NAALADL2: variants seen among roughly 807,000 people sequenced by gnomAD.
NAALADL2 encodes inactive N-acetylated-alpha-linked acidic dipeptidase-like protein 2.
A neutral mutation model predicts 87.2 loss-of-function variants in NAALADL2; 76 were observed. The observed-to-expected ratio is 0.87, with a 90% CI of 0.72 to 1.05. The LOEUF is 1.05. NAALADL2 is among the 50% of genes least tolerant of loss of function. NAALADL2 has a pLI of 0.00. For missense variants in NAALADL2, 1,089 were observed against 945.8 expected, an observed-to-expected ratio of 1.15 and a Z score of -1.99; for synonymous variants, 354 against 331.0, an observed-to-expected ratio of 1.07 and a Z score of -0.75.
In NAALADL2 at chr3:175,054,280, A is replaced by C. The variant is rs562198014; in HGVS notation, c.44-42510A>C. ...ACAATGAAAATGCTTAGCAGGCTTC[A>C]GGTTGTTTACCGCTGGAATTGTAAA... is the stretch of plus-strand genomic sequence containing the variant. On this transcript the variant is annotated intron_variant, in intron 1 of 13. Coordinates refer to ENST00000454872, the MANE Select transcript of NAALADL2 (RefSeq NM_207015.3). 2.6e-5 allele frequency among the ~76,000 whole-genome samples: 4 copies of C among 152,356 alleles called. No homozygotes were observed. The South Asian group carries it at 8.3e-4, about 32-fold the overall frequency.
At chr3:174,746,590 T>A (rs1046198988) in intron 3 of NAALADL2, among the ~76,000 whole-genome samples, 1 of 151,380 alleles carries the variant, frequency 6.6e-6, no homozygotes. Context: ...GCTTTAAAAT[T>A]TATATAAAAC....
intron 1 of NAALADL2, among the ~76,000 whole-genome samples, chr3:174,997,663 A>T (rs2108748190): frequency 6.6e-6 from 1 of 152,200 alleles, no homozygotes; most frequent in South Asian, 2.1e-4. Flanking sequence ...TAAAAATACA[A>T]AAATTAGCTG....
intron 10 of NAALADL2, among the ~76,000 whole-genome samples, chr3:175,614,215 G>T (rs1725038264): frequency 6.6e-6 from 1 of 152,120 alleles, no homozygotes; most frequent in Non-Finnish European, 1.5e-5. Context: ...ACCATACCTG[G>T]TTAACTTTTG....
At chr3:174,659,695 G>A (rs1455953842) in intron 2 of NAALADL2, among the ~76,000 whole-genome samples, 2 of 152,178 alleles carry the variant, frequency 1.3e-5, no homozygotes, top group Non-Finnish European at 2.9e-5. Context: ...TGAAAGGGAA[G>A]ATAAGTCAGG....
In NAALADL2 at chr3:175,294,502, A is replaced by G. The variant is rs188055045; in HGVS notation, c.940-29673A>G. On this transcript the variant is annotated intron_variant, in intron 4 of 13. Transcript: ENST00000454872. ...TGCACTTCCCCTTGTCATTCTCACA[A>G]TTATCCTAAATGGGAGACATTAGCA... Among the ~76,000 whole-genome samples, 773 of 152,290 alleles carry G rather than the reference A, an allele frequency of 5.1e-3. 9 individuals are homozygous for G. Among genetic ancestry groups the G allele is most frequent in the African/African-American group, 0.018 (736 of 41,564 alleles).
intron 3 of NAALADL2, among the ~76,000 whole-genome samples, chr3:174,771,021 T>C (rs915641699): frequency 6.6e-6 from 1 of 152,196 alleles, no homozygotes; most frequent in Non-Finnish European, 1.5e-5. Context: ...AGTCTGAGCT[T>C]TGTCCAAACT....
chr3:174,820,764 T>C (rs1231399874), intron 3 of NAALADL2, among the ~76,000 whole-genome samples: 2 of 152,146 alleles, frequency 1.3e-5, no homozygotes, highest in Admixed American at 6.6e-5. Context: ...TATAATGGTG[T>C]ACCAGTCAGT....
chr3:174,706,689 T>G (rs1408361358), intron 2 of NAALADL2, among the ~76,000 whole-genome samples: 2 of 152,256 alleles, frequency 1.3e-5, no homozygotes, highest in African/African-American at 2.4e-5. Flanking sequence ...GCTTTTGGTG[T>G]TGTAGACATG....
chr3:175,259,773 G>C (rs1316701762), intron 4 of NAALADL2, among the ~76,000 whole-genome samples: 2 of 152,174 alleles, frequency 1.3e-5, no homozygotes, highest in Non-Finnish European at 2.9e-5. Flanking sequence ...GCCGGTCATG[G>C]TGGCTCACAC....
intron 5 of NAALADL2, among the ~76,000 whole-genome samples, chr3:175,420,097 T>A (rs1398366227): frequency 6.6e-6 from 1 of 151,982 alleles, no homozygotes; most frequent in African/African-American, 2.4e-5. Flanking sequence ...GGGCTGATCA[T>A]CAGCATCACC....
intron 1 of NAALADL2, among the ~76,000 whole-genome samples, chr3:175,057,080 G>A (rs1267650183): frequency 6.6e-6 from 1 of 152,180 alleles, no homozygotes; most frequent in Non-Finnish European, 1.5e-5. Flanking sequence ...CTTTGAAATA[G>A]GGAGGACACG....
Position 175,803,144 on chromosome 3 carries a change from C to A in NAALADL2, c.2329C>A (p.Gln777Lys), listed in dbSNP as rs1317389045. The change falls in exon 14 of 14, where the codon CAG becomes AAG. Residue 777 changes from glutamine (Q) to lysine (K), a missense_variant. Coordinates refer to ENST00000454872, the MANE Select transcript of NAALADL2 (RefSeq NM_207015.3). ...GGTGTTGAACAGCATTAATTCAGCT[C>A]AGGTTTACTTCAAAGCAGGACTTGA... The part of the protein sequence containing the change: ...SEVLNSINSA[Q>K]VYFKAGLDVF... The A allele has an allele frequency of 6.2e-7, 1 of 1,612,292 alleles. No individual in the cohort carries two copies. Among genetic ancestry groups the A allele is most frequent in the Non-Finnish European group, 8.5e-7 (1 of 1,178,902 alleles).
chr3:174,698,866 AG>A (rs1729276075), intron 2 of NAALADL2, among the ~76,000 whole-genome samples: 2 of 95,560 alleles, frequency 2.1e-5, no homozygotes, highest in Non-Finnish European at 3.5e-5. Flanking sequence ...TCCGTCTCAA[AG>A]AAGAAAAAAA....
intron 8 of NAALADL2, among the ~76,000 whole-genome samples, chr3:175,470,241 G>A (rs944829326): frequency 9.9e-5 from 15 of 151,804 alleles, no homozygotes; most frequent in African/African-American, 1.7e-4. Flanking sequence ...TCAGCCTGGG[G>A]TATGGAGGGA....
chr3:174,477,249 T>C (rs1717272246), intron 1 of NAALADL2, among the ~76,000 whole-genome samples: 1 of 152,158 alleles, frequency 6.6e-6, no homozygotes, highest in African/African-American at 2.4e-5. Context: ...CAAATATCAT[T>C]TGCTATAGAG....
intron 5 of NAALADL2, among the ~76,000 whole-genome samples, chr3:175,423,406 T>G (rs1164651659): frequency 7.2e-6 from 1 of 139,066 alleles, no homozygotes; most frequent in African/African-American, 2.7e-5. Context: ...CCTAATGCTA[T>G]CCCTCCCCCC....
intron 10 of NAALADL2, among the ~76,000 whole-genome samples, chr3:175,602,870 C>T (rs570417410): frequency 1.3e-4 from 20 of 152,132 alleles, no homozygotes; most frequent in Non-Finnish European, 2.9e-4. Flanking sequence ...TACAAATAAT[C>T]GTAGCCCTAT....
chr3:174,634,033 A>T (rs1722400638), intron 2 of NAALADL2, among the ~76,000 whole-genome samples: 1 of 152,190 alleles, frequency 6.6e-6, no homozygotes, highest in Non-Finnish European at 1.5e-5. Flanking sequence ...CAGATGATTA[A>T]ATTATGTAAA....
At chr3:175,578,505 T>C (rs1719249559) in intron 10 of NAALADL2, among the ~76,000 whole-genome samples, 1 of 152,190 alleles carries the variant, frequency 6.6e-6, no homozygotes, top group Non-Finnish European at 1.5e-5. Flanking sequence ...ATTGAGTACT[T>C]GCCATGCTAA....
Sources: gnomAD v4.1 joint callset for allele counts (sites outside exome capture counted in the v4.1 genomes callset) on GRCh38, gnomAD v4.1.1 for gene constraint, MANE v1.5 for transcripts, NCBI Gene and HGNC (gene_info 2026-07-23, HGNC 2026-07-21) for gene names.